The following CLYBL variants were observed in gnomAD, a reference collection of about 807,000 sequenced individuals.
CLYBL encodes the protein citramalyl-CoA lyase, mitochondrial.
Under a neutral mutation model 38.9 loss-of-function variants are expected in CLYBL, and 31 were observed. The observed-to-expected ratio is 0.80, with a 90% CI of 0.60 to 1.08. The LOEUF is 1.08. Ranked by LOEUF, CLYBL falls within the 50% of genes least tolerant of loss-of-function variation. CLYBL has a pLI of 0.00. For missense variants in CLYBL, 434 were observed against 411.6 expected (o/e 1.05, Z -0.47); for synonymous variants, 171 against 158.6 (o/e 1.08, Z -0.59).
chr13:99,719,206 C>T (rs2806291), intron 1 of CLYBL, among the ~76,000 whole-genome samples: 11,402 of 148,204 alleles, frequency 0.077, 554 homozygotes, highest in South Asian at 0.15. Context: ...GGCTGGAGTA[C>T]AGTGGTGAGA....
chr13:99,887,656 G>A (rs1192172181), intron 7 of CLYBL, among the ~76,000 whole-genome samples: 1 of 152,178 alleles, frequency 6.6e-6, no homozygotes, highest in Admixed American at 6.5e-5. Flanking sequence ...GGGAGGCTGA[G>A]GCAGGAGGAT....
chr13:99,857,219 G>A (rs2051480639), intron 2 of CLYBL, among the ~76,000 whole-genome samples: 1 of 151,964 alleles, frequency 6.6e-6, no homozygotes, highest in African/African-American at 2.4e-5. Flanking sequence ...GGGGGCTGAG[G>A]CAGGAGAATC....
intron 2 of CLYBL, among the ~76,000 whole-genome samples, chr13:99,804,472 T>C (rs911287346): frequency 3.3e-5 from 5 of 152,324 alleles, no homozygotes; most frequent in Non-Finnish European, 2.9e-5. Context: ...TCTAACTGTT[T>C]TTTTTTCCAT....
At chr13:99,843,604 C>CTT (rs60365803) in intron 2 of CLYBL, among the ~76,000 whole-genome samples, 3,926 of 142,792 alleles carry the variant, frequency 0.027, 209 homozygotes, top group African/African-American at 0.096. Context: ...AAAAATTAAT[C>CTT]TTTTTTTTTT....
chr13:99,829,532 GGTT>G lies in CLYBL; in HGVS notation c.250-29314_250-29312del, dbSNP rs766621073. ...CAATGATGAGTTTTAATAAAAGCAG[GGTT>G]GTTGTTGTTGTTGTCATTACTGATC... On this transcript the variant is annotated intron_variant, in intron 2 of 8. Coordinates refer to ENST00000339105, the MANE Select transcript of CLYBL (RefSeq NM_206808.5). 1.2e-4 allele frequency among the ~76,000 whole-genome samples: 18 copies of G among 152,154 alleles called. No individual in the cohort carries two copies. The East Asian group carries it at 1.7e-3, about 15-fold the overall frequency.
chr13:99,869,041 G>C lies in CLYBL; in HGVS notation c.803-1897G>C, dbSNP rs931454869. Among the ~76,000 whole-genome samples, 4 of 152,092 alleles carry C rather than the reference G, an allele frequency of 2.6e-5. No individual in the cohort carries two copies. On this transcript the variant is annotated intron_variant, in intron 6 of 8. Coordinates refer to ENST00000339105, the MANE Select transcript of CLYBL (RefSeq NM_206808.5). The surrounding 1 kb of genome is among the most constrained non-coding windows in gnomAD (Gnocchi z 4.3). ...GTAACTTGTCAATAACAACTCTTTT[G>C]TATAAAATATTTGCCTGGTTCCCAC... is the stretch of plus-strand genomic sequence containing the variant.
At chr13:99,759,686 A>T (rs915927345) in intron 1 of CLYBL, among the ~76,000 whole-genome samples, 1 of 152,154 alleles carries the variant, frequency 6.6e-6, no homozygotes, top group Non-Finnish European at 1.5e-5. Context: ...ACAGTTAATA[A>T]TACTATAGTA....
intron 2 of CLYBL, among the ~76,000 whole-genome samples, chr13:99,802,885 C>T (rs892367009): frequency 6.6e-6 from 1 of 152,150 alleles, no homozygotes; most frequent in Non-Finnish European, 1.5e-5. Flanking sequence ...ATGCATCAAA[C>T]CTCAAATACA....
intron 1 of CLYBL, among the ~76,000 whole-genome samples, chr13:99,655,898 C>T (rs1386062266): frequency 6.6e-6 from 1 of 152,202 alleles, no homozygotes; most frequent in Non-Finnish European, 1.5e-5. Context: ...GGTTAACATA[C>T]TGAGGACAGA....
chr13:99,775,031 A>G (rs2049482444), intron 2 of CLYBL, among the ~76,000 whole-genome samples: 1 of 152,162 alleles, frequency 6.6e-6, no homozygotes, highest in South Asian at 2.1e-4. Flanking sequence ...TTATTATGAG[A>G]AAAAAGTTGA....
At chr13:99,787,896 C>T (rs148449002) in intron 2 of CLYBL, among the ~76,000 whole-genome samples, 4,823 of 152,258 alleles carry the variant, frequency 0.032, 142 homozygotes, top group South Asian at 0.069. Context: ...TTGTAGTTCT[C>T]CTTAAAGAGG....
chr13:99,628,136 A>T (rs1254605525), intron 1 of CLYBL, among the ~76,000 whole-genome samples: 1 of 152,256 alleles, frequency 6.6e-6, no homozygotes, highest in Admixed American at 6.5e-5. Context: ...GCCTGTAGAC[A>T]AAACTCGTGT....
intron 1 of CLYBL, among the ~76,000 whole-genome samples, chr13:99,767,516 C>T (rs1177193924): frequency 6.6e-6 from 1 of 152,178 alleles, no homozygotes; most frequent in Non-Finnish European, 1.5e-5. Flanking sequence ...AGTTTTCAGC[C>T]ATTATCTTTT....
chr13:99,796,637 GCAGA>G (rs1018248544), intron 2 of CLYBL, among the ~76,000 whole-genome samples: 2 of 152,182 alleles, frequency 1.3e-5, no homozygotes, highest in Non-Finnish European at 2.9e-5. Flanking sequence ...AGGAAGCCAG[GCAGA>G]GCTGCACTTT....
At chr13:99,736,650 C>T (rs892487537) in intron 1 of CLYBL, among the ~76,000 whole-genome samples, 1 of 152,132 alleles carries the variant, frequency 6.6e-6, no homozygotes, top group Non-Finnish European at 1.5e-5. Flanking sequence ...TGCCTGTTTT[C>T]CTCACTCTGT....
At chr13:99,795,848 A>G (rs2050011632) in intron 2 of CLYBL, among the ~76,000 whole-genome samples, 1 of 152,168 alleles carries the variant, frequency 6.6e-6, no homozygotes, top group South Asian at 2.1e-4. Context: ...GTTGAACACC[A>G]ATAGGCATTC....
At chr13:99,838,127 A>G (rs1223854804) in intron 2 of CLYBL, among the ~76,000 whole-genome samples, 1 of 152,166 alleles carries the variant, frequency 6.6e-6, no homozygotes, top group Non-Finnish European at 1.5e-5. Flanking sequence ...ATAAAGGTAA[A>G]TATTAAGTTT....
At chr13:99,748,687 G>T (rs1001904000) in intron 1 of CLYBL, among the ~76,000 whole-genome samples, 2 of 151,350 alleles carry the variant, frequency 1.3e-5, no homozygotes, top group Non-Finnish European at 2.9e-5. Context: ...GATTCACCCG[G>T]CTTGGCCTCT....
chr13:99,630,407 G>A (rs1276040434), intron 1 of CLYBL, among the ~76,000 whole-genome samples: 1 of 152,178 alleles, frequency 6.6e-6, no homozygotes, highest in Middle Eastern at 3.2e-3. Flanking sequence ...CTGCTGGTCA[G>A]TACAGTCCCT....
Sources: allele counts gnomAD v4.1 joint callset (sites outside exome capture counted in the v4.1 genomes callset), GRCh38; gene constraint gnomAD v4.1.1; non-coding constraint Gnocchi (gnomAD v3.1); transcripts MANE v1.5; gene names NCBI Gene and HGNC (gene_info 2026-07-23, HGNC 2026-07-21).